Variants in MELK observed in about 807,000 individuals in gnomAD.
MELK encodes the protein pEg3 kinase.
MELK carries 81 observed loss-of-function variants against 85.0 expected under a neutral mutation model. The ratio of observed to expected loss-of-function variants is 0.95; its 90% CI spans 0.80 to 1.15. The LOEUF is 1.15. Ranked by LOEUF, MELK falls within the 50% of genes most tolerant of loss-of-function variation. The pLI is 0.00. For missense variants in MELK, 754 were observed against 777.5 expected (o/e 0.97, Z 0.36); for synonymous variants, 252 against 265.0 (o/e 0.95, Z 0.48).
chr9:36,677,056 T>C, intron 17 of MELK, 104 bp from the exon 18 acceptor site: 2 of 979,336 alleles, frequency 2.0e-6, no homozygotes, highest in Non-Finnish European at 3.0e-6. Context: ...TTGCTTAATA[T>C]GAAATAATGG....
At chr9:36,574,266 A>T (rs997436976) in intron 1 of MELK, among the ~76,000 whole-genome samples, 8 of 151,866 alleles carry the variant, frequency 5.3e-5, no homozygotes, top group African/African-American at 1.7e-4. Context: ...CAGGATGCTA[A>T]TTAAATGTGT....
chr9:36,605,952 C>T (rs922407642), intron 7 of MELK, among the ~76,000 whole-genome samples: 1 of 139,326 alleles, frequency 7.2e-6, no homozygotes, highest in Non-Finnish European at 1.5e-5. Flanking sequence ...GACCCTGTCT[C>T]TAAAAAAAAA....
At chr9:36,640,666 T>C (rs1385667402) in intron 10 of MELK, among the ~76,000 whole-genome samples, 1 of 151,974 alleles carries the variant, frequency 6.6e-6, no homozygotes, top group Admixed American at 6.6e-5. Context: ...CCCAGGCCAG[T>C]CTCCAACTCC....
intron 8 of MELK, among the ~76,000 whole-genome samples, chr9:36,621,294 A>AAAAAAAAAAAC (rs1416825565): frequency 8.8e-6 from 1 of 113,316 alleles, no homozygotes; most frequent in East Asian, 2.2e-4. Flanking sequence ...AAAAAAAAAA[A>AAAAAAAAAAAC]AAAAAAAAAA....
At chr9:36,635,273 T>A (rs1005368969) in intron 10 of MELK, among the ~76,000 whole-genome samples, 4 of 152,046 alleles carry the variant, frequency 2.6e-5, no homozygotes, top group Non-Finnish European at 5.9e-5. Flanking sequence ...TTTAATTTTT[T>A]TTTTTTTGAG....
intron 8 of MELK, among the ~76,000 whole-genome samples, chr9:36,608,364 ATTG>A (rs1180428078): frequency 6.9e-6 from 1 of 145,934 alleles, no homozygotes; most frequent in Non-Finnish European, 1.5e-5. Flanking sequence ...TTATTATGTT[ATTG>A]TTAATCTCTT....
chr9:36,615,389 G>T (rs1241435565), intron 8 of MELK, among the ~76,000 whole-genome samples: 1 of 138,716 alleles, frequency 7.2e-6, no homozygotes, highest in Non-Finnish European at 1.5e-5. Flanking sequence ...TGGCCGGGCG[G>T]GGGGCTGACC....
At chr9:36,672,023 G>A (rs1832932886) in intron 16 of MELK, among the ~76,000 whole-genome samples, 3 of 152,118 alleles carry the variant, frequency 2.0e-5, no homozygotes, top group Admixed American at 6.5e-5. Flanking sequence ...CATCATTTGG[G>A]GACTGGGTCT....
At chr9:36,677,118 A>G in intron 17 of MELK, 42 bp from the exon 18 acceptor site, 4 of 1,562,582 alleles carry the variant, frequency 2.6e-6, no homozygotes, top group Non-Finnish European at 1.8e-6. Context: ...TATACAGAAT[A>G]TGGTTCTCCT....
At chr9:36,604,501 A>G (rs1464699261) in intron 7 of MELK, among the ~76,000 whole-genome samples, 1 of 150,826 alleles carries the variant, frequency 6.6e-6, no homozygotes, top group Non-Finnish European at 1.5e-5. Context: ...GTTTGACTCA[A>G]CCCTGGTGGG....
At chr9:36,672,660 G>A (rs1235966620) in intron 16 of MELK, among the ~76,000 whole-genome samples, 1 of 152,156 alleles carries the variant, frequency 6.6e-6, no homozygotes, top group African/African-American at 2.4e-5. Context: ...GATCTCCTCA[G>A]TGTCTTCATT....
chr9:36,658,520 A>T (rs1264066659), intron 13 of MELK, among the ~76,000 whole-genome samples: 2 of 151,984 alleles, frequency 1.3e-5, no homozygotes, highest in Non-Finnish European at 2.9e-5. Context: ...CTCTCTATTT[A>T]TTGTGACATT....
intron 17 of MELK, among the ~76,000 whole-genome samples, chr9:36,675,720 C>T (rs1833289250): frequency 1.3e-5 from 2 of 152,156 alleles, no homozygotes; most frequent in Admixed American, 1.3e-4. Context: ...GTTATGATCT[C>T]CTGGTCTCAA....
intron 8 of MELK, 167 bp from the exon 9 acceptor site, chr9:36,630,132 A>T: frequency 3.1e-6 from 2 of 639,140 alleles, no homozygotes; most frequent in Non-Finnish European, 5.5e-6. Context: ...GGTGTGAGCC[A>T]CCACGCCCAG....
At chr9:36,671,608 C>T (rs894958400) in intron 16 of MELK, among the ~76,000 whole-genome samples, 11 of 151,996 alleles carry the variant, frequency 7.2e-5, no homozygotes, top group Non-Finnish European at 1.0e-4. Context: ...GAGTGACAAG[C>T]GGGGAAGGTA....
intron 8 of MELK, among the ~76,000 whole-genome samples, chr9:36,617,394 G>A: frequency 6.6e-6 from 1 of 151,656 alleles, no homozygotes. Context: ...GTGCAGTGGT[G>A]CAGTCATAGT....
chr9:36,653,409 G>A (rs1830905125), intron 12 of MELK, among the ~76,000 whole-genome samples: 1 of 152,142 alleles, frequency 6.6e-6, no homozygotes, highest in Non-Finnish European at 1.5e-5. Context: ...GCCTCCCAAA[G>A]TGCTGGGATT....
At chr9:36,594,850 T>C (rs1157800943) in intron 5 of MELK, 79 bp downstream of exon 5, 8 of 1,475,252 alleles carry the variant, frequency 5.4e-6, no homozygotes, top group Non-Finnish European at 7.3e-6. Flanking sequence ...ATGATCTGAT[T>C]AGGAATCTAT....
At chr9:36,606,014 C>G (rs1825444889) in intron 7 of MELK, among the ~76,000 whole-genome samples, 1 of 151,552 alleles carries the variant, frequency 6.6e-6, no homozygotes, top group Non-Finnish European at 1.5e-5. Flanking sequence ...GACTTCTCCT[C>G]AGCTAATGGT....
Sources: gnomAD v4.1 joint callset for allele counts (sites outside exome capture counted in the v4.1 genomes callset) on GRCh38, gnomAD v4.1.1 for gene constraint, MANE v1.5 for transcripts, NCBI Gene and HGNC (gene_info 2026-07-23, HGNC 2026-07-21) for gene names.